ATP6V0D1: variants seen among roughly 807,000 people sequenced by gnomAD.
The protein encoded by ATP6V0D1 is ATPase H+ transporting V0 subunit d1, also known as V-type proton ATPase subunit d 1.
ATP6V0D1 carries 13 observed loss-of-function variants against 39.0 expected under a neutral mutation model. That is an observed-to-expected ratio of 0.33 (90% confidence interval 0.22 to 0.53). ATP6V0D1 has a LOEUF of 0.53. Ranked by LOEUF, ATP6V0D1 falls within the 20% of genes least tolerant of loss-of-function variation. The pLI, the probability that ATP6V0D1 is intolerant of heterozygous loss-of-function variation, is 0.94. For synonymous variants in ATP6V0D1, 191 were observed against 191.2 expected, an observed-to-expected ratio of 1.00 and a Z score of 0.01; for missense variants, 272 against 470.9, an observed-to-expected ratio of 0.58 and a Z score of 3.91.
chr16:67,452,548 A>G (rs545924365), intron 2 of ATP6V0D1: 2 of 730,622 alleles, frequency 2.7e-6, no homozygotes, highest in Admixed American at 2.0e-5. Context: ...AGGAATGGTA[A>G]AAGTTAGACA....
chr16:67,455,506 G>C (rs949763298), intron 1 of ATP6V0D1: 1 of 152,176 alleles, frequency 6.6e-6, no homozygotes, highest in African/African-American at 2.4e-5. Flanking sequence ...CTCATGGAGT[G>C]AACTTCAACC....
intron 2 of ATP6V0D1, among the ~76,000 whole-genome samples, chr16:67,450,227 T>G (rs1244939450): frequency 6.6e-6 from 1 of 152,176 alleles, no homozygotes; most frequent in African/African-American, 2.4e-5. Context: ...GAGGCTGTTG[T>G]GTGGGGCACA....
At chr16:67,472,853 G>T (rs1478650322) in intron 1 of ATP6V0D1, among the ~76,000 whole-genome samples, 1 of 152,158 alleles carries the variant, frequency 6.6e-6, no homozygotes, top group Admixed American at 6.6e-5. Flanking sequence ...CTGGGCAACA[G>T]AGCAAGACTG....
intron 2 of ATP6V0D1, among the ~76,000 whole-genome samples, chr16:67,450,307 A>G (rs982992137): frequency 6.6e-5 from 10 of 151,774 alleles, no homozygotes; most frequent in African/African-American, 1.7e-4. Context: ...CCCTATTCCA[A>G]TGCTTCCCTT....
chr16:67,438,317 G>GT lies in ATP6V0D1; in HGVS notation c.*210dup, dbSNP rs1298566939. 4.8e-6 allele frequency: 3 copies of GT among 619,076 alleles called. No homozygotes were observed. The highest frequency in any genetic ancestry group is 1.8e-5 in the African/African-American group (1 of 54,134). 38.3% of individuals were successfully genotyped at this position (619,076 alleles called of 1,614,324 possible). ...TGGAGGGGGTCTTCGTCCATCCTTG[G>GT]TGGGGGGGGGTGCCCAGCCCCTTTT... On this transcript the variant is annotated 3_prime_UTR_variant, in exon 8 of 8. Coordinates refer to ENST00000290949, the MANE Select transcript of ATP6V0D1 (RefSeq NM_004691.5).
chr16:67,446,553 C>G (rs572197549), intron 2 of ATP6V0D1, among the ~76,000 whole-genome samples: 1 of 152,280 alleles, frequency 6.6e-6, no homozygotes, highest in South Asian at 2.1e-4. Flanking sequence ...AGTGAGGGAC[C>G]TCAGAGCTCG....
Position 67,439,341 on chromosome 16 carries a change from T to C in ATP6V0D1, c.572A>G (p.Glu191Gly). Reference sequence around the variant, plus strand: ...TAGGGTGCAGAACTTGTAGAAGGACTCCAGGTAGGCCTGTAGAGAGTATGG... The same window carrying C: ...TAGGGTGCAGAACTTGTAGAAGGACCCCAGGTAGGCCTGTAGAGAGTATGG... The part of the protein sequence containing the change: ...IRNTLYKAYL[E>G]SFYKFCTLLG... Residue 191 changes from glutamate to glycine, a missense_variant, in exon 5 of 8, where the codon GAG becomes GGG. By Grantham distance (98) the Glu-to-Gly change is moderately conservative (BLOSUM62 -2). Transcript: ENST00000290949. The C allele has an allele frequency of 6.2e-7, 1 of 1,614,060 alleles. No individual in the cohort carries two copies. The highest frequency in any genetic ancestry group is 8.5e-7 in the Non-Finnish European group (1 of 1,180,004).
At chr16:67,449,359 ACT>A (rs1468237149) in intron 2 of ATP6V0D1, among the ~76,000 whole-genome samples, 1 of 152,124 alleles carries the variant, frequency 6.6e-6, no homozygotes, top group Non-Finnish European at 1.5e-5. Context: ...TCTAGGACCA[ACT>A]CTCTCAAGGG....
intron 1 of ATP6V0D1, among the ~76,000 whole-genome samples, chr16:67,466,802 A>G (rs927836476): frequency 4.6e-5 from 7 of 152,216 alleles, no homozygotes; most frequent in Non-Finnish European, 1.0e-4. Flanking sequence ...GTCTCAAAAA[A>G]AAGAAAAGAA....
At position 67,453,951 on chromosome 16, in the gene ATP6V0D1, A is replaced by G. The variant is rs2041210781; in HGVS notation, c.131-236T>C. ...GCACATGGAGCCCCAAAGTTCGAGC[A>G]TAAGAGGAACAGTTCCTCCCCAAGA... On this transcript the variant is annotated intron_variant, in intron 1 of 7. Coordinates refer to ENST00000290949, the MANE Select transcript of ATP6V0D1 (RefSeq NM_004691.5). The surrounding 1 kb of genome is among the most constrained non-coding windows in gnomAD (Gnocchi z 4.1). 6.6e-6 allele frequency among the ~76,000 whole-genome samples: 1 copy of G among 152,232 alleles called. No individual in the cohort carries two copies. The highest frequency in any genetic ancestry group is 2.1e-4 in the South Asian group (1 of 4,834).
chr16:67,451,185 C>T (rs1037255588), intron 2 of ATP6V0D1, among the ~76,000 whole-genome samples: 5 of 152,286 alleles, frequency 3.3e-5, no homozygotes, highest in East Asian at 3.9e-4. Flanking sequence ...GCTTTCCTCC[C>T]GGCAGTGGAG....
rs541774401 is a variant in ATP6V0D1 at position 67,453,146 on chromosome 16, T to C, written c.302+398A>G. On this transcript the variant is annotated intron_variant, in intron 2 of 7. Coordinates refer to ENST00000290949, the MANE Select transcript of ATP6V0D1 (RefSeq NM_004691.5). This position sits in a 1 kb window ranked among gnomAD's most constrained non-coding sequence, Gnocchi z 4.1. ...CCCTCGCATGGGGAGTGGGGCCTGGTGAGTGTTCTGTTTGGGTGCTGTAGG... is the reference window on the plus strand; with the variant it reads ...CCCTCGCATGGGGAGTGGGGCCTGGCGAGTGTTCTGTTTGGGTGCTGTAGG... 2.0e-5 allele frequency among the ~76,000 whole-genome samples: 3 copies of C among 152,136 alleles called. No homozygotes were observed. Among genetic ancestry groups the C allele is most frequent in the African/African-American group, 4.8e-5 (2 of 41,514 alleles).
At position 67,468,328 on chromosome 16, in the gene ATP6V0D1, A is replaced by G. The variant is rs544210817; in HGVS notation, c.130+12629T>C. On this transcript the variant is annotated intron_variant, in intron 1 of 7. Transcript: ENST00000290949. ...AGGAGCTAAGCGTGATGGCTCATGCATGTAATCCCAGTACTTTGGGAGGCC... is the reference window on the plus strand; with the variant it reads ...AGGAGCTAAGCGTGATGGCTCATGCGTGTAATCCCAGTACTTTGGGAGGCC... Among the ~76,000 whole-genome samples, 7 of 152,184 alleles carry G rather than the reference A, an allele frequency of 4.6e-5. No individual in the cohort carries two copies. The South Asian group carries it at 1.4e-3, about 32-fold the overall frequency.
intron 2 of ATP6V0D1, among the ~76,000 whole-genome samples, chr16:67,451,867 G>A (rs1244569093): frequency 6.6e-6 from 1 of 152,248 alleles, no homozygotes; most frequent in Non-Finnish European, 1.5e-5. Context: ...TTCATGGCCT[G>A]GCAGGCTAAG....
chr16:67,450,372 G>GCC (rs1433904444), intron 2 of ATP6V0D1, among the ~76,000 whole-genome samples: 2 of 152,182 alleles, frequency 1.3e-5, no homozygotes, highest in East Asian at 3.9e-4. Context: ...CCAATCGTGA[G>GCC]CCCCAGCCTG....
chr16:67,465,596 TC>T (rs2041322653), intron 1 of ATP6V0D1, among the ~76,000 whole-genome samples: 1 of 152,160 alleles, frequency 6.6e-6, no homozygotes, highest in Admixed American at 6.5e-5. Flanking sequence ...TACCTGCAGC[TC>T]CAACTCTGAG....
chr16:67,457,731 C>G (rs2041252309), intron 1 of ATP6V0D1: 2 of 1,024,530 alleles, frequency 2.0e-6, no homozygotes, highest in Non-Finnish European at 2.7e-6. Flanking sequence ...CCCCCCACTC[C>G]TGGGCTCAGC....
intron 2 of ATP6V0D1, among the ~76,000 whole-genome samples, chr16:67,451,733 G>C (rs2041183508): frequency 6.6e-6 from 1 of 152,170 alleles, no homozygotes; most frequent in Admixed American, 6.5e-5. Flanking sequence ...GAAGGGGTGG[G>C]AAGTGGCAGA....
chr16:67,446,002 G>C, intron 2 of ATP6V0D1: 4 of 455,002 alleles, frequency 8.8e-6, no homozygotes, highest in Non-Finnish European at 1.3e-5. Flanking sequence ...CTGCTGTTCT[G>C]AGCTGGGCAC....
Sources: allele counts gnomAD v4.1 joint callset (sites outside exome capture counted in the v4.1 genomes callset), GRCh38; gene constraint gnomAD v4.1.1; non-coding constraint Gnocchi (gnomAD v3.1); transcripts MANE v1.5; gene names NCBI Gene and HGNC (gene_info 2026-07-23, HGNC 2026-07-21).